The following ALDH1A3 variants were observed in gnomAD, a reference collection of about 807,000 sequenced individuals.
The protein encoded by ALDH1A3 is retinaldehyde dehydrogenase 3.
In ALDH1A3, 28 loss-of-function variants were observed where a neutral mutation model predicts 57.5. That is an observed-to-expected ratio of 0.49 (90% confidence interval 0.36 to 0.67). The LOEUF (loss-of-function observed/expected upper bound fraction) is 0.67. Among genes scored for constraint, ALDH1A3 ranks in the 30% least tolerant of loss-of-function variants. The probability of loss-of-function intolerance (pLI) is 0.00; values close to 1 mark genes in which losing one functional copy is unlikely to be tolerated. For synonymous variants in ALDH1A3, 281 were observed against 264.8 expected, an observed-to-expected ratio of 1.06 and a Z score of -0.59; for missense variants, 507 against 669.4, an observed-to-expected ratio of 0.76 and a Z score of 2.68.
At chr15:100,896,172 T>C (rs1596126812) in intron 7 of ALDH1A3, 126 bp downstream of exon 7, 1 of 727,268 alleles carries the variant, frequency 1.4e-6, no homozygotes, top group Non-Finnish European at 2.3e-6. Context: ...TTTTAGTACA[T>C]AACAACCAGT....
In ALDH1A3 at chr15:100,887,862, C is replaced by T. The variant is rs2041612655; in HGVS notation, c.345+150C>T. ...TCTGAGACACGGCTCTCTGGCAATACTTGCAGGTGTTAATGCCTCTAGACT... is the reference window on the plus strand; with the variant it reads ...TCTGAGACACGGCTCTCTGGCAATATTTGCAGGTGTTAATGCCTCTAGACT... On this transcript the variant is annotated intron_variant, in intron 3 of 12. Coordinates refer to ENST00000329841, the MANE Select transcript of ALDH1A3 (RefSeq NM_000693.4). The surrounding 1 kb of genome is among the most constrained non-coding windows in gnomAD (Gnocchi z 4.6). The T allele has an allele frequency of 2.0e-6, 2 of 997,208 alleles. No homozygotes were observed. Among genetic ancestry groups the T allele is most frequent in the Non-Finnish European group, 2.8e-6 (2 of 724,508 alleles). The allele number at this position is 997,208 out of a possible 1,614,324, so 61.8% of individuals were successfully genotyped here. A position where few individuals can be genotyped will look rare whatever the true frequency, so the allele number is the denominator to read the frequency against.
chr15:100,903,625 G>A (rs1319833869), intron 9 of ALDH1A3, among the ~76,000 whole-genome samples: 1 of 152,174 alleles, frequency 6.6e-6, no homozygotes, highest in African/African-American at 2.4e-5. Flanking sequence ...CTGAACCAAC[G>A]TGTATTCCTA....
In ALDH1A3 at chr15:100,895,855, C is replaced by G. The variant is rs1400574619; in HGVS notation, c.667-78C>G. The G allele has an allele frequency of 4.7e-6, 6 of 1,279,114 alleles. No homozygotes were observed. In the South Asian group the frequency reaches 6.4e-5, roughly 14 times the overall value. 79.2% of individuals were successfully genotyped at this position (1,279,114 alleles called of 1,614,324 possible). On this transcript the variant is annotated intron_variant, in intron 6 of 12. Coordinates refer to ENST00000329841, the MANE Select transcript of ALDH1A3 (RefSeq NM_000693.4). Reference sequence around the variant, plus strand: ...TCCCTGTGGGGATGTGAGGCAGCCACGGCTCTCTCGGCCCAAATGTGGATC... The same window carrying G: ...TCCCTGTGGGGATGTGAGGCAGCCAGGGCTCTCTCGGCCCAAATGTGGATC...
At chr15:100,902,954 G>A (rs2041784591) in intron 9 of ALDH1A3, among the ~76,000 whole-genome samples, 1 of 152,212 alleles carries the variant, frequency 6.6e-6, no homozygotes, top group South Asian at 2.1e-4. Context: ...CCCTCAGGGA[G>A]GGGAAGAGCA....
Position 100,887,767 on chromosome 15 carries a change from C to A in ALDH1A3, c.345+55C>A. ...GGATGAGCCAGCCTCACTGAGGGTCCTGTCCACCATGGGGTATGGGAAAAA... is the reference window on the plus strand; with the variant it reads ...GGATGAGCCAGCCTCACTGAGGGTCATGTCCACCATGGGGTATGGGAAAAA... On this transcript the variant is annotated intron_variant, in intron 3 of 12. Transcript: ENST00000329841. This position sits in a 1 kb window ranked among gnomAD's most constrained non-coding sequence, Gnocchi z 4.6. 1 of 1,524,448 alleles carries A rather than the reference C, an allele frequency of 6.6e-7. No individual in the cohort carries two copies. The highest frequency in any genetic ancestry group is 8.8e-7 in the Non-Finnish European group (1 of 1,130,710). The allele number at this position is 1,524,448 out of a possible 1,614,324, so 94.4% of individuals were successfully genotyped here.
At chr15:100,900,514 G>C in intron 8 of ALDH1A3, 61 bp from the exon 9 acceptor site, 2 of 1,481,428 alleles carry the variant, frequency 1.4e-6, no homozygotes, top group Admixed American at 4.0e-5. Flanking sequence ...CACCAGTCCT[G>C]CTTTAACAAC....
rs901417301 is a variant in ALDH1A3 at position 100,889,328 on chromosome 15, A to G, written c.345+1616A>G. ...TGTTTCTCAGGGTGGAGGAACTCTC[A>G]GGCCGTACTCTTGGGTGCATTTCCC... On this transcript the variant is annotated intron_variant, in intron 3 of 12. Coordinates refer to ENST00000329841, the MANE Select transcript of ALDH1A3 (RefSeq NM_000693.4). The surrounding 1 kb of genome is among the most constrained non-coding windows in gnomAD (Gnocchi z 5.1). Among the ~76,000 whole-genome samples the G allele has an allele frequency of 6.6e-6, 1 of 152,192 alleles. No individual in the cohort carries two copies.
chr15:100,899,821 C>T (rs2041747807), intron 8 of ALDH1A3, among the ~76,000 whole-genome samples: 5 of 152,222 alleles, frequency 3.3e-5, no homozygotes, highest in Admixed American at 3.3e-4. Context: ...GGAGCAGCCC[C>T]TGTGGAATTG....
At position 100,889,382 on chromosome 15, in the gene ALDH1A3, C is replaced by T. The variant is rs1489694866; in HGVS notation, c.345+1670C>T. Among the ~76,000 whole-genome samples, 1 of 152,132 alleles carries T rather than the reference C, an allele frequency of 6.6e-6. No individual in the cohort carries two copies. Among genetic ancestry groups the T allele is most frequent in the African/African-American group, 2.4e-5 (1 of 41,410 alleles). On this transcript the variant is annotated intron_variant, in intron 3 of 12. Transcript: ENST00000329841. This position sits in a 1 kb window ranked among gnomAD's most constrained non-coding sequence, Gnocchi z 5.1. ...GGGTGCATCCACACAGAAACTCGAG[C>T]TCCCCTTCCTTCCTTCCCAGTCAGC...
intron 8 of ALDH1A3, among the ~76,000 whole-genome samples, chr15:100,900,196 G>T (rs181379450): frequency 1.0e-3 from 158 of 152,300 alleles, no homozygotes; most frequent in African/African-American, 3.6e-3. Flanking sequence ...TCGCCAGGGG[G>T]CCTACATCAA....
chr15:100,902,920 C>T (rs771513617), intron 9 of ALDH1A3, among the ~76,000 whole-genome samples: 3 of 152,212 alleles, frequency 2.0e-5, no homozygotes, highest in Admixed American at 2.0e-4. Flanking sequence ...TGCGGTTGGG[C>T]GAAGCCCCTG....
Position 100,907,296 on chromosome 15 carries a change from G to C in ALDH1A3, c.1391+18G>C, listed in dbSNP as rs761288086. 1.4e-5 allele frequency: 23 copies of C among 1,608,074 alleles called. No individual in the cohort carries two copies. The highest frequency in any genetic ancestry group is 1.9e-5 in the Non-Finnish European group (22 of 1,177,636). On this transcript the variant is annotated intron_variant, in intron 11 of 12. Coordinates refer to ENST00000329841, the MANE Select transcript of ALDH1A3 (RefSeq NM_000693.4). ...ACGGTCTGGTGAGTTGACTGTGTGT[G>C]TATTTCAGCTCTCCTGAGTTGCTTC... is the stretch of plus-strand genomic sequence containing the variant.
chr15:100,900,938 C>T (rs893882676), intron 9 of ALDH1A3, among the ~76,000 whole-genome samples, 179 bp downstream of exon 9: 5 of 152,134 alleles, frequency 3.3e-5, no homozygotes, highest in Admixed American at 2.0e-4. Context: ...CCCGGGGGCT[C>T]ACGAAAGGGG....
At chr15:100,913,676 A>G (rs1385954220) in intron 12 of ALDH1A3, 1 of 152,196 alleles carries the variant, frequency 6.6e-6, no homozygotes, top group Non-Finnish European at 1.5e-5. Flanking sequence ...GGGGGATCCA[A>G]TTTTGGATAC....
chr15:100,892,239 A>T (rs1398215655), intron 3 of ALDH1A3: 1 of 411,220 alleles, frequency 2.4e-6, no homozygotes, highest in Non-Finnish European at 4.3e-6. Flanking sequence ...CTGGCCTCCA[A>T]GGGGCCCTTC....
intron 2 of ALDH1A3, among the ~76,000 whole-genome samples, chr15:100,885,670 T>G (rs78117268): frequency 1.3e-5 from 2 of 151,378 alleles, no homozygotes; most frequent in African/African-American, 4.9e-5. Flanking sequence ...TTTTTTTTTT[T>G]TATCAATTAT....
intron 3 of ALDH1A3, among the ~76,000 whole-genome samples, chr15:100,888,246 C>T (rs2041616179): frequency 6.6e-6 from 1 of 152,018 alleles, no homozygotes; most frequent in Non-Finnish European, 1.5e-5. Flanking sequence ...CTACAGGTGC[C>T]TGCCACCATG....
intron 2 of ALDH1A3, among the ~76,000 whole-genome samples, chr15:100,886,379 G>A (rs1438320229): frequency 6.6e-6 from 1 of 152,222 alleles, no homozygotes; most frequent in Non-Finnish European, 1.5e-5. Context: ...GGAGGAGAAC[G>A]AGACCCTTGC....
At chr15:100,898,961 T>TC (rs1464727644) in intron 8 of ALDH1A3, among the ~76,000 whole-genome samples, 2 of 152,228 alleles carry the variant, frequency 1.3e-5, no homozygotes, top group African/African-American at 4.8e-5. Context: ...CCCAGACCTG[T>TC]CCACGGGTGC....
Sources: gnomAD v4.1 joint callset for allele counts (sites outside exome capture counted in the v4.1 genomes callset) on GRCh38, gnomAD v4.1.1 for gene constraint, Gnocchi (gnomAD v3.1) non-coding constraint, MANE v1.5 for transcripts, NCBI Gene and HGNC (gene_info 2026-07-23, HGNC 2026-07-21) for gene names.